The following GGT1 variants were observed in gnomAD, a reference collection of about 807,000 sequenced individuals.
The protein encoded by GGT1 is glutathione hydrolase 1 proenzyme.
GGT1 carries 21 observed loss-of-function variants against 56.0 expected under a neutral mutation model. The observed-to-expected ratio is 0.38, with a 90% CI of 0.27 to 0.54. The LOEUF (loss-of-function observed/expected upper bound fraction) is 0.54, where lower values mean the gene tolerates loss of function less well. Ranked by LOEUF, GGT1 falls within the 20% of genes least tolerant of loss-of-function variation. GGT1 has a pLI of 0.82. For missense variants in GGT1, 466 were observed against 787.0 expected (o/e 0.59, Z 4.88); for synonymous variants, 238 against 342.6 (o/e 0.69, Z 3.37).
intron 1 of GGT1, 137 bp from the exon 2 acceptor site, chr22:24,607,817 C>G: frequency 1.2e-5 from 4 of 333,810 alleles, no homozygotes; most frequent in South Asian, 9.1e-5. Flanking sequence ...ATCCCAGTCC[C>G]AATTCGGAGG....
the GGT1 span, among the ~76,000 whole-genome samples, chr22:24,587,320 G>A: frequency 6.6e-6 from 1 of 152,204 alleles, no homozygotes; most frequent in Admixed American, 6.5e-5. Context: ...TAGAAGGGAA[G>A]TTCAGAGACT....
At chr22:24,602,415 C>A (rs1160404541), upstream of GGT1, among the ~76,000 whole-genome samples, 1 of 152,226 alleles carries the variant, frequency 6.6e-6, no homozygotes, top group Non-Finnish European at 1.5e-5. Flanking sequence ...AAAGAAGGAA[C>A]GTAAGCGTGA....
rs1306723052 is a variant in GGT1, at chr22:24,605,905, A to G, written c.-428-2049A>G. Among the ~76,000 whole-genome samples the G allele has an allele frequency of 1.4e-4, 9 of 63,816 alleles. 1 individual carries two copies. The highest frequency in any genetic ancestry group is 5.9e-4 in the African/African-American group (9 of 15,260). The allele number at this position is 63,816 out of a possible 152,430, so 41.9% of individuals were successfully genotyped here. On this transcript the variant is annotated intron_variant, in intron 1 of 15. Coordinates refer to ENST00000400382, the MANE Select transcript of GGT1 (RefSeq NM_001288833.2). ...ATATGATGTGTATTATATATTATAT[A>G]ATATTATATGATGTGTATTATATAT...
chr22:24,627,541 A>T lies in GGT1; in HGVS notation c.1130A>T (p.Asp377Val), dbSNP rs1371884601. 2.8e-4 allele frequency: 443 copies of T among 1,608,224 alleles called. No homozygotes were observed. Among genetic ancestry groups the T allele is most frequent in the Non-Finnish European group, 3.0e-4 (359 of 1,177,800 alleles). Residue 377 changes from aspartate (D) to valine (V), a missense_variant, in exon 12 of 16, where the codon GAT becomes GTT. By Grantham distance (152) the Asp-to-Val change is radical. Around this residue, in one of 2 missense-constraint regions of GGT1, gnomAD observed 456 missense variants for 716.7 expected, o/e 0.64. Coordinates refer to ENST00000400382, the MANE Select transcript of GGT1 (RefSeq NM_001288833.2). Reference sequence around the variant, plus strand: ...TACAAGCCCGAGTTCTACACGCCGGATGACGGGGGCACTGCTCACCTGTCT... The same window carrying T: ...TACAAGCCCGAGTTCTACACGCCGGTTGACGGGGGCACTGCTCACCTGTCT... ...SYYKPEFYTP[D>V]DGGTAHLSVV...
chr22:24,592,864 TGGCGCAGGA>T (rs2045614947), upstream of GGT1: 1 of 1,280,352 alleles, frequency 7.8e-7, no homozygotes. Context: ...TTCTCTCGCC[TGGCGCAGGA>T]GGCGCAGCAG....
intron 9 of GGT1, 35 bp from the exon 10 acceptor site, chr22:24,623,072 T>A: frequency 6.2e-7 from 1 of 1,611,514 alleles, no homozygotes; most frequent in South Asian, 1.1e-5. Context: ...TGCAGCCCCA[T>A]CCCAGCACCC....
At chr22:24,607,070 C>T (rs937846620) in intron 1 of GGT1, among the ~76,000 whole-genome samples, 2 of 152,184 alleles carry the variant, frequency 1.3e-5, no homozygotes, top group African/African-American at 2.4e-5. Flanking sequence ...TAACTTGGGG[C>T]AGTTACCAGG....
chr22:24,588,299 T>C, the GGT1 span: 1 of 1,613,474 alleles, frequency 6.2e-7, no homozygotes, highest in Non-Finnish European at 8.5e-7. Context: ...TGTCGGCAGA[T>C]CTTGTCCGAG....
upstream of GGT1, chr22:24,592,596 C>T (rs1033640060): frequency 3.2e-5 from 16 of 507,580 alleles, no homozygotes; most frequent in Non-Finnish European, 5.2e-5. Context: ...CCCCAAAGAC[C>T]CGGACACACT....
At chr22:24,587,280 A>G in the GGT1 span, among the ~76,000 whole-genome samples, 1 of 152,180 alleles carries the variant, frequency 6.6e-6, no homozygotes, top group African/African-American at 2.4e-5. Context: ...GGGGCCGGCC[A>G]TGAGGGAGGG....
upstream of GGT1, among the ~76,000 whole-genome samples, chr22:24,602,739 G>C (rs954349238): frequency 1.6e-4 from 25 of 152,134 alleles, no homozygotes; most frequent in Non-Finnish European, 3.4e-4. Flanking sequence ...CCCACCTGTA[G>C]TCCTGCAAGC....
chr22:24,623,190 G>A lies in GGT1; in HGVS notation c.817G>A (p.Val273Met). The A allele has an allele frequency of 6.3e-7, 1 of 1,590,130 alleles. No homozygotes were observed. Reference protein sequence around the residue: ...HPLNISLGDVVLYMPSAPLSG... With the variant: ...HPLNISLGDVMLYMPSAPLSG... ...GCTGAACATCAGCCTGGGAGACGTGGTGCTGTACATGCCCAGTGCGCCGCT... is the reference window on the plus strand; with the variant it reads ...GCTGAACATCAGCCTGGGAGACGTGATGCTGTACATGCCCAGTGCGCCGCT... Residue 273 changes from valine to methionine, a missense_variant, in exon 10 of 16, where the codon GTG (valine) becomes ATG (methionine). Physicochemically the swap from Val to Met is conservative, Grantham distance 21. Around this residue, in one of 2 missense-constraint regions of GGT1, gnomAD observed 456 missense variants for 716.7 expected, o/e 0.64. Transcript: ENST00000400382.
At chr22:24,626,347 C>T (rs1277117309) in intron 11 of GGT1, among the ~76,000 whole-genome samples, 4 of 36,282 alleles carry the variant, frequency 1.1e-4, no homozygotes, top group Admixed American at 3.5e-4. Flanking sequence ...CTTCGGCCTT[C>T]GGGTCCATCC....
upstream of GGT1, chr22:24,592,914 G>T: frequency 7.8e-7 from 1 of 1,277,222 alleles, no homozygotes; most frequent in South Asian, 2.4e-5. Flanking sequence ...GCCGCTCGCG[G>T]AGCGTGGACT....
chr22:24,618,686 G>A (rs1041876309), intron 7 of GGT1, among the ~76,000 whole-genome samples: 4 of 152,296 alleles, frequency 2.6e-5, no homozygotes, highest in South Asian at 2.1e-4. Context: ...CAGACCTTCC[G>A]GGATGTATGT....
At position 24,610,336 on chromosome 22, in the gene GGT1, G is replaced by C. The variant is rs932857695; in HGVS notation, c.-203G>C. The C allele has an allele frequency of 7.9e-6, 2 of 253,440 alleles. No individual in the cohort carries two copies. The highest frequency in any genetic ancestry group is 4.6e-5 in the African/African-American group (2 of 43,552). The allele number at this position is 253,440 out of a possible 1,614,324, so 15.7% of individuals were successfully genotyped here. On this transcript the variant is annotated 5_prime_UTR_variant, in exon 4 of 16. Transcript: ENST00000400382. ...AAAGGTCTGGGCTGCGCGTGCTTCA[G>C]GTAACCTCCCTTGACCTTCAGGAGA...
chr22:24,620,469 C>T lies in GGT1; in HGVS notation c.524C>T (p.Ala175Val), dbSNP rs775135199. Reference protein sequence around the residue: ...RQGFPVGKGLAAALENKRTVI... With the variant: ...RQGFPVGKGLVAALENKRTVI... Reference sequence around the variant, plus strand: ...GGCTTCCCCGTGGGCAAGGGCTTGGCGGCAGCCCTGGAAAACAAGCGGACC... The same window carrying T: ...GGCTTCCCCGTGGGCAAGGGCTTGGTGGCAGCCCTGGAAAACAAGCGGACC... Residue 175 changes from alanine (A) to valine (V), a missense_variant, in exon 8 of 16, where the codon GCG becomes GTG. By Grantham distance (64) the Ala-to-Val change is moderately conservative. Coordinates refer to ENST00000400382, the MANE Select transcript of GGT1 (RefSeq NM_001288833.2). The surrounding 1 kb of genome is among the most constrained non-coding windows in gnomAD (Gnocchi z 5.6). 12 of 1,611,882 alleles carry T rather than the reference C, an allele frequency of 7.4e-6. No homozygotes were observed. Among genetic ancestry groups the T allele is most frequent in the South Asian group, 1.1e-5 (1 of 90,980 alleles).
At chr22:24,595,949 A>G (rs1225810949) in intron 1 of GGT1, among the ~76,000 whole-genome samples, 1 of 152,236 alleles carries the variant, frequency 6.6e-6, no homozygotes, top group Non-Finnish European at 1.5e-5. Flanking sequence ...GCCTCCTGGT[A>G]GCCACTGTAA....
chr22:24,627,965 A>T lies in GGT1; in HGVS notation c.1322A>T (p.Asn441Ile), dbSNP rs777251596. The stretch of plus-strand genomic sequence containing the variant: ...TTTGGGGTACCCCCCTCACCTGCCA[A>T]TTTCATCCAGCCAGGTATGGGGTGG... ...NEFGVPPSPANFIQPGKQPLS... is the reference protein window; with the variant it reads ...NEFGVPPSPAIFIQPGKQPLS... Residue 441 changes from asparagine (N) to isoleucine (I), a missense_variant, in exon 13 of 16, where the codon AAT becomes ATT. Physicochemically the swap from Asn to Ile is moderately radical, Grantham distance 149 (BLOSUM62 -3). Coordinates refer to ENST00000400382, the MANE Select transcript of GGT1 (RefSeq NM_001288833.2). 2 of 1,505,474 alleles carry T rather than the reference A, an allele frequency of 1.3e-6. No individual in the cohort carries two copies. Among genetic ancestry groups the T allele is most frequent in the Non-Finnish European group, 1.8e-6 (2 of 1,118,696 alleles). 93.3% of individuals were successfully genotyped at this position (1,505,474 alleles called of 1,614,324 possible).
Sources: allele counts gnomAD v4.1 joint callset (sites outside exome capture counted in the v4.1 genomes callset), GRCh38; gene constraint gnomAD v4.1.1; regional missense constraint gnomAD v4.1.1; non-coding constraint Gnocchi (gnomAD v3.1); transcripts MANE v1.5; gene names NCBI Gene and HGNC (gene_info 2026-07-23, HGNC 2026-07-21).